G6PC2: variants seen among roughly 807,000 people sequenced by gnomAD.
G6PC2 encodes the protein glucose-6-phosphatase catalytic subunit 2, also known as glucose-6-phosphatase 2.
Under a neutral mutation model 35.4 loss-of-function variants are expected in G6PC2, and 41 were observed. That is an observed-to-expected ratio of 1.16 (90% confidence interval 0.90 to 1.50). The LOEUF (loss-of-function observed/expected upper bound fraction) is 1.50. G6PC2 is among the 40% of genes most tolerant of loss of function. G6PC2 has a pLI of 0.00. For missense variants in G6PC2, 441 were observed against 426.5 expected (o/e 1.03, Z -0.30); for synonymous variants, 165 against 153.2 (o/e 1.08, Z -0.57).
chr2:168,901,789 T>G, intron 1 of G6PC2, among the ~76,000 whole-genome samples: 1 of 150,368 alleles, frequency 6.7e-6, no homozygotes, highest in African/African-American at 2.5e-5. Context: ...CAGGATGGAG[T>G]GCAATGGCGT....
Position 168,908,190 on chromosome 2 carries a change from C to T in G6PC2, c.*111C>T, listed in dbSNP as rs958831698. ...CTTCTAATCCGACTTCACAGAATAG[C>T]GGCACAGGCCCCATTCCCCATAGAG... On this transcript the variant is annotated 3_prime_UTR_variant, in exon 5 of 5. Coordinates refer to ENST00000375363, the MANE Select transcript of G6PC2 (RefSeq NM_021176.3). 54 of 891,228 alleles carry T rather than the reference C, an allele frequency of 6.1e-5. No individual in the cohort carries two copies. The highest frequency in any genetic ancestry group is 4.4e-4 in the African/African-American group (27 of 60,956). 55.2% of individuals were successfully genotyped at this position (891,228 alleles called of 1,614,324 possible).
Position 168,907,555 on chromosome 2 carries a change from T to C in G6PC2, c.557-13T>C, listed in dbSNP as rs1256615914. On this transcript the variant is annotated splice_polypyrimidine_tract_variant and intron_variant, in intron 4 of 4. Transcript: ENST00000375363. ...GCACACAGTCATTGTCAGTGTCTCT[T>C]TCCAATCCTCAGGCATGCTGGTGGC... 5 of 1,613,692 alleles carry C rather than the reference T, an allele frequency of 3.1e-6. No individual in the cohort carries two copies. The highest frequency in any genetic ancestry group is 4.2e-6 in the Non-Finnish European group (5 of 1,179,632).
At chr2:168,903,787 A>G (rs1690651892) in intron 2 of G6PC2, among the ~76,000 whole-genome samples, 1 of 152,218 alleles carries the variant, frequency 6.6e-6, no homozygotes, top group Non-Finnish European at 1.5e-5. Flanking sequence ...TGAAAAATCG[A>G]GGAGGACATT....
intron 3 of G6PC2, 28 bp downstream of exon 3, chr2:168,904,644 C>T (rs373679507): frequency 1.7e-6 from 2 of 1,146,756 alleles, no homozygotes; most frequent in African/African-American, 3.0e-5. Flanking sequence ...TTCTGTAGCA[C>T]TGGAATATGA....
chr2:168,907,888 C>A lies in G6PC2; in HGVS notation c.877C>A (p.Arg293=). The change falls in exon 5 of 5, where the codon CGG becomes AGG. Residue 293 remains arginine, a synonymous_variant. Transcript: ENST00000375363. ...RGGNNYTLSF[R]LLCALTSLTI... is the part of the protein sequence containing the mutation. ...GGGAAATAACTACACACTGAGCTTCCGGTTGCTCTGTGCCTTGACCTCATT... is the reference window on the plus strand; with the variant it reads ...GGGAAATAACTACACACTGAGCTTCAGGTTGCTCTGTGCCTTGACCTCATT... 6.2e-7 allele frequency: 1 copy of A among 1,613,912 alleles called. No homozygotes were observed. The highest frequency in any genetic ancestry group is 8.5e-7 in the Non-Finnish European group (1 of 1,179,792).
chr2:168,908,236 A>C lies in G6PC2; in HGVS notation c.*157A>C. The stretch of plus-strand genomic sequence containing the variant: ...TAGAGATGTTTAGTTTGGCCTTCGC[A>C]CTGGTCTTTTTTTTTAATCCTTCAG... On this transcript the variant is annotated 3_prime_UTR_variant, in exon 5 of 5. Transcript: ENST00000375363. 1.5e-6 allele frequency: 1 copy of C among 652,590 alleles called. No homozygotes were observed. Among genetic ancestry groups the C allele is most frequent in the South Asian group, 1.8e-5 (1 of 56,518 alleles). 40.4% of individuals were successfully genotyped at this position (652,590 alleles called of 1,614,324 possible).
Position 168,909,152 on chromosome 2 carries a change from T to C in G6PC2, c.*1073T>C, listed in dbSNP as rs1408507286. The C allele has an allele frequency of 2.0e-5, 3 of 152,166 alleles. No homozygotes were observed. Among genetic ancestry groups the C allele is most frequent in the Non-Finnish European group, 2.9e-5 (2 of 68,006 alleles). 9.4% of individuals were successfully genotyped at this position (152,166 alleles called of 1,614,324 possible). On this transcript the variant is annotated 3_prime_UTR_variant, in exon 5 of 5. Transcript: ENST00000375363. ...TTGAAATACTGCATCCTCTTTGACTTATACCCCACACATACATGCAGGGTC... is the reference window on the plus strand; with the variant it reads ...TTGAAATACTGCATCCTCTTTGACTCATACCCCACACATACATGCAGGGTC...
rs1370384328 is a variant in G6PC2, at chr2:168,909,810, A to G, written c.*1731A>G. 1 of 152,220 alleles carries G rather than the reference A, an allele frequency of 6.6e-6. No homozygotes were observed. Among genetic ancestry groups the G allele is most frequent in the Non-Finnish European group, 1.5e-5 (1 of 68,044 alleles). The allele number at this position is 152,220 out of a possible 1,614,324, so 9.4% of individuals were successfully genotyped here. Reference sequence around the variant, plus strand: ...CTATGAATATTAATGAAAACAATACAGTTGAAGTGAGTGTTGTTTAACATG... The same window carrying G: ...CTATGAATATTAATGAAAACAATACGGTTGAAGTGAGTGTTGTTTAACATG... On this transcript the variant is annotated 3_prime_UTR_variant, in exon 5 of 5. Transcript: ENST00000375363.
intron 2 of G6PC2, 146 bp from the exon 3 acceptor site, chr2:168,904,359 C>T: frequency 1.4e-6 from 1 of 717,728 alleles, no homozygotes; most frequent in Non-Finnish European, 2.6e-6. Context: ...TTATTTCTAC[C>T]CACTTCTAAA....
chr2:168,904,716 T>C, intron 3 of G6PC2, 100 bp downstream of exon 3: 1 of 753,084 alleles, frequency 1.3e-6, no homozygotes, highest in Non-Finnish European at 2.4e-6. Context: ...AGTCAATGAA[T>C]AAAATGTGCT....
rs768046587 is a variant in G6PC2, at chr2:168,904,505, G to A, written c.329G>A (p.Gly110Glu). ...QFPTTCETGP[G>E]SPSGHAMGAS... ...ATGGACGGACACTTTGTTGTTGCAG[G>A]AAGTCCATCTGGCCATGCAATGGGC... The change falls in exon 3 of 5, where the codon GGA becomes GAA. Residue 110 changes from glycine to glutamate, a missense_variant and splice_region_variant. Coordinates refer to ENST00000375363, the MANE Select transcript of G6PC2 (RefSeq NM_021176.3). 5 of 1,549,802 alleles carry A rather than the reference G, an allele frequency of 3.2e-6. No homozygotes were observed. Among genetic ancestry groups the A allele is most frequent in the Non-Finnish European group, 3.6e-6 (4 of 1,121,436 alleles).
intron 3 of G6PC2, among the ~76,000 whole-genome samples, chr2:168,905,301 C>T (rs1690685276): frequency 6.6e-6 from 1 of 152,112 alleles, no homozygotes; most frequent in Non-Finnish European, 1.5e-5. Flanking sequence ...CCAATTTAGC[C>T]ATAAATTAGG....
chr2:168,903,821 G>A (rs1046198950), intron 2 of G6PC2, among the ~76,000 whole-genome samples: 3 of 152,156 alleles, frequency 2.0e-5, no homozygotes, highest in Non-Finnish European at 4.4e-5. Flanking sequence ...AAAAAATTCA[G>A]TAGCATGGAA....
At chr2:168,907,531 C>T in intron 4 of G6PC2, 37 bp from the exon 5 acceptor site, 1 of 1,599,460 alleles carries the variant, frequency 6.3e-7, no homozygotes, top group Non-Finnish European at 8.6e-7. Context: ...GGCTCAAGGG[C>T]ACACAGTCAT....
At chr2:168,905,161 T>C (rs1197822389) in intron 3 of G6PC2, among the ~76,000 whole-genome samples, 1 of 152,192 alleles carries the variant, frequency 6.6e-6, no homozygotes, top group East Asian at 1.9e-4. Context: ...TGTTAGTAGA[T>C]TTAATGTTAG....
intron 2 of G6PC2, chr2:168,902,847 CA>C (rs1215028794): frequency 1.9e-5 from 8 of 414,914 alleles, no homozygotes; most frequent in Non-Finnish European, 3.5e-5. Context: ...AAACAAGAAA[CA>C]GTTAACTAGA....
chr2:168,906,730 A>G lies in G6PC2; in HGVS notation c.507A>G (p.Val169=), dbSNP rs778517641. The G allele has an allele frequency of 1.4e-5, 22 of 1,604,088 alleles. No homozygotes were observed. Among genetic ancestry groups the G allele is most frequent in the Admixed American group, 5.0e-5 (3 of 59,984 alleles). The change falls in exon 4 of 5, where the codon GTA becomes GTG. Residue 169 remains valine (V), a synonymous_variant. Coordinates refer to ENST00000375363, the MANE Select transcript of G6PC2 (RefSeq NM_021176.3). ...AAATCAGTGTCTGCATCTCCAGAGT[A>G]TTCATAGCAACACATTTTCCTCATC... The part of the protein sequence containing the change: ...LIQISVCISR[V]FIATHFPHQV...
chr2:168,908,275 G>C lies in G6PC2; in HGVS notation c.*196G>C, dbSNP rs1371016695. ...TTAATCCTTCAGTTACCAATATTTAGATACAAGAATATTTGACATAAAAAT... is the reference window on the plus strand; with the variant it reads ...TTAATCCTTCAGTTACCAATATTTACATACAAGAATATTTGACATAAAAAT... On this transcript the variant is annotated 3_prime_UTR_variant, in exon 5 of 5. Transcript: ENST00000375363. 1 of 604,946 alleles carries C rather than the reference G, an allele frequency of 1.7e-6. No individual in the cohort carries two copies. The highest frequency in any genetic ancestry group is 2.9e-6 in the Non-Finnish European group (1 of 341,456). The allele number at this position is 604,946 out of a possible 1,614,324, so 37.5% of individuals were successfully genotyped here.
Position 168,901,433 on chromosome 2 carries a change from C to A in G6PC2, c.102C>A (p.Asp34Glu). ...TFLNFMSNVG[D>E]PRNIFFIYFP... ...TAAATTTTATGTCCAATGTTGGAGA[C>A]CCCAGGAATATCTTTTTCATTTATT... Residue 34 changes from aspartate to glutamate, a missense_variant, in exon 1 of 5, where the codon GAC (aspartate) becomes GAA (glutamate). Physicochemically the swap from Asp to Glu is conservative, Grantham distance 45 (BLOSUM62 2). Transcript: ENST00000375363. 1.9e-6 allele frequency: 3 copies of A among 1,591,532 alleles called. No individual in the cohort carries two copies. The highest frequency in any genetic ancestry group is 2.6e-6 in the Non-Finnish European group (3 of 1,159,372).
Sources: allele counts gnomAD v4.1 joint callset (sites outside exome capture counted in the v4.1 genomes callset), GRCh38; gene constraint gnomAD v4.1.1; transcripts MANE v1.5; gene names NCBI Gene and HGNC (gene_info 2026-07-23, HGNC 2026-07-21).